GMDS: variants seen among roughly 807,000 people sequenced by gnomAD.
The protein encoded by GMDS is GDP-mannose 4,6 dehydratase.
GMDS carries 20 observed loss-of-function variants against 49.9 expected under a neutral mutation model. The observed-to-expected ratio is 0.40, with a 90% CI of 0.28 to 0.58. The LOEUF (loss-of-function observed/expected upper bound fraction) is 0.58, where lower values mean the gene tolerates loss of function less well. GMDS is among the 20% of genes least tolerant of loss of function. GMDS has a pLI of 0.42. For synonymous variants in GMDS, 177 were observed against 178.6 expected, an observed-to-expected ratio of 0.99 and a Z score of 0.07; for missense variants, 362 against 481.4, an observed-to-expected ratio of 0.75 and a Z score of 2.32.
At chr6:2,184,669 G>C (rs961712640) in intron 1 of GMDS, among the ~76,000 whole-genome samples, 1 of 151,992 alleles carries the variant, frequency 6.6e-6, no homozygotes, top group Non-Finnish European at 1.5e-5. Flanking sequence ...TTGTCAATCT[G>C]TCATAAAACT....
At chr6:2,142,950 C>T (rs143791521) in intron 1 of GMDS, among the ~76,000 whole-genome samples, 8 of 152,254 alleles carry the variant, frequency 5.3e-5, no homozygotes, top group Admixed American at 5.2e-4. Flanking sequence ...CTCACACACT[C>T]ATTCAGTGGA....
At chr6:2,080,497 A>G (rs1374603375) in intron 4 of GMDS, among the ~76,000 whole-genome samples, 2 of 152,102 alleles carry the variant, frequency 1.3e-5, no homozygotes, top group South Asian at 2.1e-4. Flanking sequence ...ACATGTATCT[A>G]TGGTGTTGGT....
intron 1 of GMDS, among the ~76,000 whole-genome samples, chr6:2,179,012 T>C (rs1193932108): frequency 6.6e-6 from 1 of 152,220 alleles, no homozygotes; most frequent in Non-Finnish European, 1.5e-5. Flanking sequence ...TCATTCTTCA[T>C]GTGGCATAAA....
chr6:1,679,951 A>G (rs1012570967), intron 9 of GMDS: 4 of 152,262 alleles, frequency 2.6e-5, no homozygotes, highest in African/African-American at 7.2e-5. Context: ...AAAAAAGGAA[A>G]GAAAACAAAA....
chr6:2,044,680 T>A (rs1228947227), intron 4 of GMDS, among the ~76,000 whole-genome samples: 1 of 152,164 alleles, frequency 6.6e-6, no homozygotes, highest in Non-Finnish European at 1.5e-5. Flanking sequence ...TTCACCCATA[T>A]AACAAACCTG....
intron 7 of GMDS, among the ~76,000 whole-genome samples, chr6:1,868,806 A>G (rs986821294): frequency 7.2e-5 from 11 of 152,222 alleles, no homozygotes; most frequent in Non-Finnish European, 1.0e-4. Flanking sequence ...CAGATCAAGT[A>G]GTTCTATAAC....
chr6:1,990,225 G>C (rs769515868), intron 4 of GMDS, among the ~76,000 whole-genome samples: 34 of 152,178 alleles, frequency 2.2e-4, no homozygotes, highest in Non-Finnish European at 4.9e-4. Context: ...GAACCCGGGA[G>C]GCGGAGTTTG....
chr6:2,004,587 A>G (rs1312240746), intron 4 of GMDS, among the ~76,000 whole-genome samples: 1 of 152,178 alleles, frequency 6.6e-6, no homozygotes, highest in East Asian at 1.9e-4. Flanking sequence ...GCTTGATACA[A>G]AGACACATCC....
At chr6:1,815,602 T>C (rs765822285) in intron 7 of GMDS, among the ~76,000 whole-genome samples, 6 of 152,234 alleles carry the variant, frequency 3.9e-5, no homozygotes, top group Non-Finnish European at 8.8e-5. Context: ...TCCTTTGTGA[T>C]GGGCCACATG....
At chr6:1,997,463 G>A (rs1478641661) in intron 4 of GMDS, among the ~76,000 whole-genome samples, 4 of 145,190 alleles carry the variant, frequency 2.8e-5, no homozygotes, top group Non-Finnish European at 4.5e-5. Context: ...AGCTGAGATC[G>A]CGCCACTGCA....
intron 4 of GMDS, among the ~76,000 whole-genome samples, chr6:2,013,387 G>T (rs1767685385): frequency 6.6e-6 from 1 of 151,868 alleles, no homozygotes; most frequent in East Asian, 1.9e-4. Context: ...GTCAAGTCCA[G>T]CTTTCAACAA....
chr6:1,935,247 C>T (rs1762469104), intron 6 of GMDS, among the ~76,000 whole-genome samples: 1 of 152,148 alleles, frequency 6.6e-6, no homozygotes, highest in Non-Finnish European at 1.5e-5. Context: ...CTGTGTACTA[C>T]TTGCATATTA....
intron 7 of GMDS, among the ~76,000 whole-genome samples, chr6:1,791,007 G>C (rs1296362155): frequency 2.0e-5 from 3 of 152,212 alleles, no homozygotes; most frequent in Non-Finnish European, 4.4e-5. Context: ...AAGGTCAGAA[G>C]ACAGAGAAGG....
At chr6:1,913,242 G>T (rs1007340588) in intron 7 of GMDS, among the ~76,000 whole-genome samples, 1 of 150,752 alleles carries the variant, frequency 6.6e-6, no homozygotes, top group Non-Finnish European at 1.5e-5. Flanking sequence ...TTAGCCGGGC[G>T]TAGTGGCGGG....
intron 7 of GMDS, among the ~76,000 whole-genome samples, chr6:1,869,432 A>G (rs899860537): frequency 3.9e-5 from 6 of 152,184 alleles, no homozygotes; most frequent in African/African-American, 1.4e-4. Flanking sequence ...TTTAGACAGC[A>G]AAGAAGAGGG....
chr6:2,066,477 T>C (rs1028805554), intron 4 of GMDS, among the ~76,000 whole-genome samples: 15 of 151,506 alleles, frequency 9.9e-5, no homozygotes, highest in African/African-American at 3.6e-4. Flanking sequence ...ACTGGCAAAT[T>C]GGATAAAGAG....
At chr6:1,896,667 G>A (rs1561871804) in intron 7 of GMDS, among the ~76,000 whole-genome samples, 2 of 152,174 alleles carry the variant, frequency 1.3e-5, no homozygotes, top group South Asian at 4.1e-4. Flanking sequence ...TGCTGCAGGG[G>A]TTGTATCAAA....
chr6:1,755,069 A>G (rs1253345227), intron 7 of GMDS, among the ~76,000 whole-genome samples: 1 of 152,230 alleles, frequency 6.6e-6, no homozygotes, highest in East Asian at 1.9e-4. Context: ...AGAGTATTCA[A>G]ACAGGAAGAG....
chr6:2,223,307 G>C (rs988107722), intron 1 of GMDS, among the ~76,000 whole-genome samples: 1 of 152,102 alleles, frequency 6.6e-6, no homozygotes, highest in African/African-American at 2.4e-5. Flanking sequence ...GGGGCATGTG[G>C]TGCAAAGGCA....
Sources: allele counts gnomAD v4.1 joint callset (sites outside exome capture counted in the v4.1 genomes callset), GRCh38; gene constraint gnomAD v4.1.1; transcripts MANE v1.5; gene names NCBI Gene and HGNC (gene_info 2026-07-23, HGNC 2026-07-21).